Variants in CSNK1A1 observed in about 807,000 individuals in gnomAD.
The protein encoded by CSNK1A1 is casein kinase I isoform alpha.
CSNK1A1 carries 7 observed loss-of-function variants against 46.1 expected under a neutral mutation model. The observed-to-expected ratio is 0.15, with a 90% confidence interval of 0.09 to 0.29. The LOEUF (loss-of-function observed/expected upper bound fraction) is 0.29, where lower values mean the gene tolerates loss of function less well. Ranked by LOEUF, CSNK1A1 falls within the 10% of genes least tolerant of loss-of-function variation. The pLI, the probability that CSNK1A1 is intolerant of heterozygous loss-of-function variation, is 1.00. For synonymous variants in CSNK1A1, 137 were observed against 141.5 expected (o/e 0.97, Z 0.23); for missense variants, 96 against 417.1 (o/e 0.23, Z 6.71).
intron 8 of CSNK1A1, among the ~76,000 whole-genome samples, chr5:149,505,933 T>TC (rs961047966): frequency 3.4e-5 from 5 of 145,770 alleles, no homozygotes; most frequent in African/African-American, 1.3e-4. Flanking sequence ...GAATTCTCTC[T>TC]TTTTTTTTTT....
chr5:149,514,937 A>G (rs571128866), intron 4 of CSNK1A1, among the ~76,000 whole-genome samples: 2 of 152,226 alleles, frequency 1.3e-5, no homozygotes, highest in Non-Finnish European at 2.9e-5. Context: ...AAGTCATTAC[A>G]GGAAAATTTG....
rs1760652970 is a variant in CSNK1A1 at position 149,496,325 on chromosome 5, T to C, written c.*528A>G. 6.5e-6 allele frequency: 1 copy of C among 153,192 alleles called. No homozygotes were observed. Among genetic ancestry groups the C allele is most frequent in the Non-Finnish European group, 1.5e-5 (1 of 68,446 alleles). The allele number at this position is 153,192 out of a possible 1,614,324, so 9.5% of individuals were successfully genotyped here. On this transcript the variant is annotated 3_prime_UTR_variant, in exon 10 of 10. Transcript: ENST00000377843. ...ACTGGAATCTTTGGTTGCTACCATA[T>C]CAGCTGGCTTGCAGACAAGAAGCCA... is the stretch of plus-strand genomic sequence containing the variant.
intron 3 of CSNK1A1, among the ~76,000 whole-genome samples, 189 bp from the exon 4 acceptor site, chr5:149,520,577 G>A (rs1378902115): frequency 2.0e-5 from 3 of 152,148 alleles, no homozygotes; most frequent in Non-Finnish European, 2.9e-5. Flanking sequence ...TACCTGCTGT[G>A]TCCTTTGGCT....
chr5:149,498,936 G>C, intron 9 of CSNK1A1: 6 of 985,320 alleles, frequency 6.1e-6, no homozygotes, highest in Non-Finnish European at 7.2e-6. Flanking sequence ...GTCAATAAAT[G>C]ATTACAATTG....
intron 2 of CSNK1A1, among the ~76,000 whole-genome samples, chr5:149,535,531 G>A (rs923169800): frequency 6.6e-6 from 1 of 151,832 alleles, no homozygotes; most frequent in Non-Finnish European, 1.5e-5. Flanking sequence ...CCTTAAAAAG[G>A]GATAACATGT....
At chr5:149,528,026 T>C (rs976653994) in intron 2 of CSNK1A1, among the ~76,000 whole-genome samples, 1 of 152,202 alleles carries the variant, frequency 6.6e-6, no homozygotes, top group African/African-American at 2.4e-5. Context: ...TATATTTTCA[T>C]GCAATTAACA....
At chr5:149,544,171 G>T (rs1762390010) in intron 2 of CSNK1A1, among the ~76,000 whole-genome samples, 1 of 152,126 alleles carries the variant, frequency 6.6e-6, no homozygotes, top group African/African-American at 2.4e-5. Flanking sequence ...AGAAGGGTAG[G>T]CAGCCCTAAA....
intron 2 of CSNK1A1, among the ~76,000 whole-genome samples, chr5:149,535,523 T>C (rs553808020): frequency 6.6e-6 from 1 of 152,176 alleles, no homozygotes; most frequent in South Asian, 2.1e-4. Context: ...CCTCCACTCC[T>C]TAAAAAGGGA....
At chr5:149,531,124 A>T (rs2113143776) in intron 2 of CSNK1A1, among the ~76,000 whole-genome samples, 1 of 152,298 alleles carries the variant, frequency 6.6e-6, no homozygotes, top group Non-Finnish European at 1.5e-5. Context: ...TCTCAAAACC[A>T]GATACCTCTT....
intron 2 of CSNK1A1, among the ~76,000 whole-genome samples, chr5:149,548,769 A>C (rs2113209759): frequency 6.6e-6 from 1 of 152,300 alleles, no homozygotes; most frequent in East Asian, 1.9e-4. Context: ...GAATCACTTG[A>C]ACCCGGGAGG....
chr5:149,551,060 G>A lies in CSNK1A1; in HGVS notation c.-96C>T. ...TCCTACACTAGGCAAGGCTACGGAGGAGGGCGGCAGGAAACGGAACACGGA... is the reference window on the plus strand; with the variant it reads ...TCCTACACTAGGCAAGGCTACGGAGAAGGGCGGCAGGAAACGGAACACGGA... On this transcript the variant is annotated 5_prime_UTR_variant, in exon 1 of 10. Transcript: ENST00000377843. The A allele has an allele frequency of 2.1e-6, 3 of 1,417,134 alleles. No homozygotes were observed. The highest frequency in any genetic ancestry group is 1.9e-4 in the Middle Eastern group (1 of 5,376). The allele number at this position is 1,417,134 out of a possible 1,614,324, so 87.8% of individuals were successfully genotyped here. A position where few individuals can be genotyped will look rare whatever the true frequency, so the allele number is the denominator to read the frequency against.
chr5:149,522,229 CCCT>C (rs1761593764), intron 3 of CSNK1A1, among the ~76,000 whole-genome samples: 1 of 151,936 alleles, frequency 6.6e-6, no homozygotes, highest in Non-Finnish European at 1.5e-5. Context: ...CAGCTCAGCC[CCCT>C]GAGAAGCTGG....
At chr5:149,499,305 AG>A in intron 9 of CSNK1A1, 3 of 496,558 alleles carry the variant, frequency 6.0e-6, no homozygotes, top group Non-Finnish European at 7.3e-6. Context: ...TTAAAAAAAA[AG>A]GGGAGGGGGA....
intron 3 of CSNK1A1, among the ~76,000 whole-genome samples, chr5:149,523,708 A>G (rs1249267852): frequency 6.6e-6 from 1 of 152,174 alleles, no homozygotes; most frequent in South Asian, 2.1e-4. Context: ...ATAGTTGTAT[A>G]TATTTATGGG....
chr5:149,541,524 C>G (rs1762231120), intron 2 of CSNK1A1, among the ~76,000 whole-genome samples: 1 of 152,130 alleles, frequency 6.6e-6, no homozygotes, highest in Non-Finnish European at 1.5e-5. Context: ...CACAATAAAG[C>G]ATCATTTTAC....
At chr5:149,543,324 T>C (rs1053831304) in intron 2 of CSNK1A1, among the ~76,000 whole-genome samples, 1 of 152,192 alleles carries the variant, frequency 6.6e-6, no homozygotes, top group Admixed American at 6.6e-5. Flanking sequence ...TTAGTAGGAA[T>C]AGGGCTATAT....
At chr5:149,498,925 A>C in intron 9 of CSNK1A1, 1 of 985,172 alleles carries the variant, frequency 1.0e-6, no homozygotes, top group Non-Finnish European at 1.2e-6. Context: ...GGAATTGCTG[A>C]GTCAATAAAT....
intron 9 of CSNK1A1, chr5:149,499,010 C>A: frequency 1.0e-6 from 1 of 985,422 alleles, no homozygotes; most frequent in Non-Finnish European, 1.2e-6. Flanking sequence ...TCAAATCCAG[C>A]TTTAACTCTT....
intron 2 of CSNK1A1, among the ~76,000 whole-genome samples, chr5:149,548,717 C>T (rs1762560744): frequency 6.6e-6 from 1 of 151,560 alleles, no homozygotes. Context: ...GGCGTGGTGG[C>T]GGGCGCCTGT....
Sources: allele counts gnomAD v4.1 joint callset (sites outside exome capture counted in the v4.1 genomes callset), GRCh38; gene constraint gnomAD v4.1.1; transcripts MANE v1.5; gene names NCBI Gene and HGNC (gene_info 2026-07-23, HGNC 2026-07-21).